NGEF: variants seen among roughly 807,000 people sequenced by gnomAD.
NGEF encodes neuronal guanine nucleotide exchange factor.
Under a neutral mutation model 80.9 loss-of-function variants are expected in NGEF, and 31 were observed. The observed-to-expected ratio is 0.38, with a 90% CI of 0.29 to 0.52. The LOEUF (loss-of-function observed/expected upper bound fraction) is 0.52, where lower values mean the gene tolerates loss of function less well. Among genes scored for constraint, NGEF ranks in the 20% least tolerant of loss-of-function variants. The pLI, the probability that NGEF is intolerant of heterozygous loss-of-function variation, is 0.84. For synonymous variants in NGEF, 371 were observed against 370.2 expected, an observed-to-expected ratio of 1.00 and a Z score of -0.03; for missense variants, 709 against 926.2, an observed-to-expected ratio of 0.77 and a Z score of 3.04.
intron 4 of NGEF, among the ~76,000 whole-genome samples, chr2:232,923,800 G>A (rs1692999733): frequency 6.6e-6 from 1 of 152,166 alleles, no homozygotes; most frequent in African/African-American, 2.4e-5. Flanking sequence ...TGGCTGCAGT[G>A]GTGTGAGTGC....
intron 5 of NGEF, among the ~76,000 whole-genome samples, chr2:232,916,600 A>G (rs1056905552): frequency 6.6e-6 from 1 of 152,250 alleles, no homozygotes; most frequent in African/African-American, 2.4e-5. Flanking sequence ...GGCAATAAAC[A>G]TGTGAAAAGA....
chr2:232,885,118 G>A (rs1435348067), intron 10 of NGEF, 162 bp downstream of exon 10: 12 of 624,252 alleles, frequency 1.9e-5, no homozygotes, highest in Non-Finnish European at 3.1e-5. Context: ...GGTGGCAGGC[G>A]GGGTGGCTTC....
At chr2:232,923,665 G>T (rs963373318) in intron 4 of NGEF, among the ~76,000 whole-genome samples, 1 of 152,140 alleles carries the variant, frequency 6.6e-6, no homozygotes, top group Non-Finnish European at 1.5e-5. Context: ...AACCCAGGGG[G>T]TGGAGGTTGC....
In NGEF at chr2:232,878,701, T is replaced by G. The variant is rs1691375587; in HGVS notation, c.*788A>C. ...CAATAAAGAGTAGACCTTCATCTTC[T>G]TTATTTTATATATGATGCTTCTTTT... On this transcript the variant is annotated 3_prime_UTR_variant, in exon 15 of 15. Coordinates refer to ENST00000264051, the MANE Select transcript of NGEF (RefSeq NM_019850.3). 1 of 152,638 alleles carries G rather than the reference T, an allele frequency of 6.6e-6. No individual in the cohort carries two copies. The highest frequency in any genetic ancestry group is 1.5e-5 in the Non-Finnish European group (1 of 68,058). The allele number at this position is 152,638 out of a possible 1,614,324, so 9.5% of individuals were successfully genotyped here. A position where few individuals can be genotyped will look rare whatever the true frequency, so the allele number is the denominator to read the frequency against.
intron 5 of NGEF, among the ~76,000 whole-genome samples, chr2:232,904,497 G>A (rs1327355891): frequency 1.3e-5 from 2 of 152,168 alleles, no homozygotes; most frequent in African/African-American, 2.4e-5. Flanking sequence ...CCAAAGTGCT[G>A]GGAGTACAGG....
rs559644432 is a variant in NGEF at position 232,880,293 on chromosome 2, C to T, written c.1943-614G>A. ...ACCTCTCCCCTCCCCTAGAGATCAC[C>T]AGGTCTTTGCTCAGAGTTTGTGGCC... On this transcript the variant is annotated intron_variant, in intron 14 of 14. Coordinates refer to ENST00000264051, the MANE Select transcript of NGEF (RefSeq NM_019850.3). Among the ~76,000 whole-genome samples the T allele has an allele frequency of 2.0e-5, 3 of 152,342 alleles. No individual in the cohort carries two copies. The South Asian group carries it at 6.2e-4, about 32-fold the overall frequency.
intron 2 of NGEF, among the ~76,000 whole-genome samples, chr2:232,970,821 T>C (rs1401779537): frequency 6.6e-6 from 1 of 150,774 alleles, no homozygotes; most frequent in Non-Finnish European, 1.5e-5. Context: ...ATTATAATGA[T>C]GATTTAAGCA....
chr2:232,975,405 A>T (rs1198324875), intron 1 of NGEF, among the ~76,000 whole-genome samples: 1 of 152,170 alleles, frequency 6.6e-6, no homozygotes, highest in Non-Finnish European at 1.5e-5. Context: ...AGACATGGGC[A>T]AGGTTGATCC....
chr2:232,906,292 C>G (rs1181378533), intron 5 of NGEF, among the ~76,000 whole-genome samples: 1 of 135,208 alleles, frequency 7.4e-6, no homozygotes, highest in Non-Finnish European at 1.6e-5. Flanking sequence ...GCAGCCCCTA[C>G]TGGGAAGTGA....
At chr2:232,885,887 C>T (rs1472104632) in intron 9 of NGEF, among the ~76,000 whole-genome samples, 1 of 152,262 alleles carries the variant, frequency 6.6e-6, no homozygotes, top group Non-Finnish European at 1.5e-5. Context: ...TGCGCGAGGG[C>T]CTCCCTGCCA....
intron 9 of NGEF, among the ~76,000 whole-genome samples, chr2:232,885,909 G>A (rs1249950478): frequency 1.3e-5 from 2 of 152,272 alleles, no homozygotes; most frequent in African/African-American, 2.4e-5. Context: ...GTTGTCTGGA[G>A]TGAGAAACAC....
At chr2:232,886,410 C>T (rs575458841) in intron 9 of NGEF, among the ~76,000 whole-genome samples, 10 of 150,790 alleles carry the variant, frequency 6.6e-5, no homozygotes, top group South Asian at 2.1e-4. Context: ...ATGTGCTGTG[C>T]GTGTGCCGTG....
chr2:232,891,082 A>T (rs1414845668), intron 8 of NGEF: 3 of 550,078 alleles, frequency 5.5e-6, no homozygotes, highest in Admixed American at 4.5e-5. Context: ...TGCAACTGGC[A>T]GTGGCCAGCC....
chr2:232,883,168 G>T, intron 12 of NGEF, 143 bp downstream of exon 12: 1 of 1,025,048 alleles, frequency 9.8e-7, no homozygotes, highest in Non-Finnish European at 1.4e-6. Flanking sequence ...TTGGCGCAGG[G>T]TCTGGACGGG....
chr2:232,891,026 G>A, intron 8 of NGEF: 1 of 496,778 alleles, frequency 2.0e-6, no homozygotes, highest in Non-Finnish European at 4.1e-6. Flanking sequence ...TGTCAGCCAG[G>A]TCTCAGCTTA....
intron 9 of NGEF, among the ~76,000 whole-genome samples, chr2:232,886,871 C>T (rs1691711593): frequency 6.6e-6 from 1 of 152,224 alleles, no homozygotes; most frequent in African/African-American, 2.4e-5. Flanking sequence ...TGGGCATGGG[C>T]CCCTAGAGAT....
At chr2:232,885,230 G>A in intron 10 of NGEF, 50 bp downstream of exon 10, 1 of 1,542,118 alleles carries the variant, frequency 6.5e-7, no homozygotes, top group Non-Finnish European at 8.9e-7. Context: ...CTGGGGCGGG[G>A]CCAGGGGCCT....
intron 5 of NGEF, among the ~76,000 whole-genome samples, chr2:232,909,852 T>C (rs1428988944): frequency 6.6e-6 from 1 of 152,232 alleles, no homozygotes; most frequent in Non-Finnish European, 1.5e-5. Context: ...CAGAATGTCA[T>C]AGAAATGGAA....
chr2:232,899,152 T>A (rs1181520215), intron 5 of NGEF, among the ~76,000 whole-genome samples: 1 of 150,664 alleles, frequency 6.6e-6, no homozygotes, highest in Non-Finnish European at 1.5e-5. Flanking sequence ...TGAGAGTGTG[T>A]GACAGTGGGT....
Sources: allele counts gnomAD v4.1 joint callset (sites outside exome capture counted in the v4.1 genomes callset), GRCh38; gene constraint gnomAD v4.1.1; transcripts MANE v1.5; gene names NCBI Gene and HGNC (gene_info 2026-07-23, HGNC 2026-07-21).